SCO1: variants seen among roughly 807,000 people sequenced by gnomAD.
SCO1 encodes the protein synthesis of cytochrome C oxidase 1, also known as cytochrome c oxidase assembly factor SCO1.
SCO1 carries 23 observed loss-of-function variants against 34.0 expected under a neutral mutation model. That is an observed-to-expected ratio of 0.68 (90% CI 0.49 to 0.96). SCO1 has a LOEUF of 0.96. SCO1 is among the 40% of genes least tolerant of loss of function. The pLI is 0.00. For missense variants in SCO1, 404 were observed against 381.6 expected (o/e 1.06, Z -0.49); for synonymous variants, 161 against 145.5 (o/e 1.11, Z -0.77).
rs745872734 is a variant in SCO1 at position 10,681,130 on chromosome 17, T to G, written c.895A>C (p.Lys299Gln). 6.2e-7 allele frequency: 1 copy of G among 1,614,216 alleles called. No individual in the cohort carries two copies. The highest frequency in any genetic ancestry group is 8.5e-7 in the Non-Finnish European group (1 of 1,180,042). ...CAACACTGCTTTGGCTAGCTCTTTT[T>G]TCTGTATGGCCTCATGTGTGTGGCA... Reference protein sequence around the residue: ...SIATHMRPYRKKS With the variant: ...SIATHMRPYRQKS Residue 299 changes from lysine to glutamine, a missense_variant, in exon 6 of 6, where the codon AAA (lysine) becomes CAA (glutamine). Physicochemically the swap from Lys to Gln is moderately conservative, Grantham distance 53. Coordinates refer to ENST00000255390, the MANE Select transcript of SCO1 (RefSeq NM_004589.4).
chr17:10,678,860 G>GTTTTTTTTTTTTTTTTTTTTTTTT lies in SCO1; in HGVS notation c.*2258_*2259insAAAAAAAAAAAAAAAAAAAAAAAA, dbSNP rs1325340207. ...AGGCAAAAATCAAGGAGTCAGCAGG[G>GTTTTTTTTTTTTTTTTTTTTTTTT]TTTGTTTTTTTTTTTTTTTCTCACA... On this transcript the variant is annotated 3_prime_UTR_variant, in exon 6 of 6. Coordinates refer to ENST00000255390, the MANE Select transcript of SCO1 (RefSeq NM_004589.4). The GTTTTTTTTTTTTTTTTTTTTTTTT allele has an allele frequency of 6.9e-6, 1 of 145,802 alleles. No individual in the cohort carries two copies. The highest frequency in any genetic ancestry group is 6.7e-5 in the Admixed American group (1 of 14,982). The allele number at this position is 145,802 out of a possible 1,614,324, so 9.0% of individuals were successfully genotyped here. A position where few individuals can be genotyped will look rare whatever the true frequency, so the allele number is the denominator to read the frequency against.
intron 4 of SCO1, among the ~76,000 whole-genome samples, chr17:10,689,968 A>T (rs769002998): frequency 1.3e-5 from 2 of 152,236 alleles, no homozygotes; most frequent in Non-Finnish European, 2.9e-5. Context: ...TCCTCAAGAA[A>T]CGGCACTAGG....
At chr17:10,697,130 T>C (rs887313058) in intron 1 of SCO1, 105 bp downstream of exon 1, 5 of 1,127,688 alleles carry the variant, frequency 4.4e-6, no homozygotes, top group African/African-American at 3.1e-5. Context: ...AGGACAACTT[T>C]AGGGGAGGCG....
chr17:10,682,023 C>T (rs370933294), intron 5 of SCO1, among the ~76,000 whole-genome samples: 4 of 152,278 alleles, frequency 2.6e-5, no homozygotes, highest in African/African-American at 9.6e-5. Context: ...AGAGAGTCAT[C>T]GTAAACTCAG....
At chr17:10,691,575 G>A (rs2074689260) in intron 4 of SCO1, among the ~76,000 whole-genome samples, 1 of 152,206 alleles carries the variant, frequency 6.6e-6, no homozygotes, top group African/African-American at 2.4e-5. Context: ...GGAGTTAGAA[G>A]CAATGTGTCC....
rs757534790 is a variant in SCO1, at chr17:10,686,713, G to A, written c.771+14C>T. ...GGAGCTGGTCCATGGGTTAAAACTG[G>A]AACATTTACTCACTATGTAGTCTTC... On this transcript the variant is annotated intron_variant, in intron 5 of 5. Transcript: ENST00000255390. 1 of 1,512,596 alleles carries A rather than the reference G, an allele frequency of 6.6e-7. No individual in the cohort carries two copies. Among genetic ancestry groups the A allele is most frequent in the African/African-American group, 1.4e-5 (1 of 73,066 alleles). 93.7% of individuals were successfully genotyped at this position (1,512,596 alleles called of 1,614,324 possible). A position where few individuals can be genotyped will look rare whatever the true frequency, so the allele number is the denominator to read the frequency against.
At position 10,675,570 on chromosome 17, in the gene SCO1, T is replaced by C. The variant is rs2074575338; in HGVS notation, c.*5549A>G. The stretch of plus-strand genomic sequence containing the variant: ...CACCCAGATCAAGCTACTGAACATT[T>C]CAATGGCTCTGGAAGCTCTCCTGGC... On this transcript the variant is annotated 3_prime_UTR_variant, in exon 6 of 6. Coordinates refer to ENST00000255390, the MANE Select transcript of SCO1 (RefSeq NM_004589.4). 1 of 152,218 alleles carries C rather than the reference T, an allele frequency of 6.6e-6. No individual in the cohort carries two copies. Among genetic ancestry groups the C allele is most frequent in the Middle Eastern group, 3.2e-3 (1 of 316 alleles). 9.4% of individuals were successfully genotyped at this position (152,218 alleles called of 1,614,324 possible).
chr17:10,683,183 A>T (rs1467853239), intron 5 of SCO1, among the ~76,000 whole-genome samples: 1 of 152,114 alleles, frequency 6.6e-6, no homozygotes, highest in Non-Finnish European at 1.5e-5. Flanking sequence ...ATCCTTCCGA[A>T]GAAATTCTCT....
rs1467888008 is a variant in SCO1 at position 10,679,603 on chromosome 17, C to G, written c.*1516G>C. On this transcript the variant is annotated 3_prime_UTR_variant, in exon 6 of 6. Coordinates refer to ENST00000255390, the MANE Select transcript of SCO1 (RefSeq NM_004589.4). ...ACTGAAAAACTTTTGGAGAACTTTG[C>G]CCCTAGGGCAGCAGCTTCTGGCAGA... 6.6e-6 allele frequency: 1 copy of G among 152,150 alleles called. No homozygotes were observed. The highest frequency in any genetic ancestry group is 1.5e-5 in the Non-Finnish European group (1 of 68,034). 9.4% of individuals were successfully genotyped at this position (152,150 alleles called of 1,614,324 possible).
intron 3 of SCO1, among the ~76,000 whole-genome samples, chr17:10,692,394 C>T (rs1489779184): frequency 6.6e-6 from 1 of 152,198 alleles, no homozygotes; most frequent in East Asian, 1.9e-4. Flanking sequence ...AGGCACCCTT[C>T]CTTCTTACTA....
rs1286789377 is a variant in SCO1 at position 10,672,763 on chromosome 17, C to T, written c.*8356G>A. ...TTAATTAATAGCTCATCATTTTTTC[C>T]AAAATTTTATAATTTTCTTCCCCTG... On this transcript the variant is annotated 3_prime_UTR_variant, in exon 6 of 6. Coordinates refer to ENST00000255390, the MANE Select transcript of SCO1 (RefSeq NM_004589.4). 1 of 152,074 alleles carries T rather than the reference C, an allele frequency of 6.6e-6. No homozygotes were observed. The highest frequency in any genetic ancestry group is 1.5e-5 in the Non-Finnish European group (1 of 68,006). The allele number at this position is 152,074 out of a possible 1,614,324, so 9.4% of individuals were successfully genotyped here. A position where few individuals can be genotyped will look rare whatever the true frequency, so the allele number is the denominator to read the frequency against.
rs1000647331 is a variant in SCO1 at position 10,675,597 on chromosome 17, C to T, written c.*5522G>A. The T allele has an allele frequency of 2.6e-5, 4 of 152,196 alleles. No individual in the cohort carries two copies. Among genetic ancestry groups the T allele is most frequent in the African/African-American group, 2.4e-5 (1 of 41,434 alleles). The allele number at this position is 152,196 out of a possible 1,614,324, so 9.4% of individuals were successfully genotyped here. ...AATGGCTCTGGAAGCTCTCCTGGCACCCCCTTCTGAATTACTAACCATCTC... is the reference window on the plus strand; with the variant it reads ...AATGGCTCTGGAAGCTCTCCTGGCATCCCCTTCTGAATTACTAACCATCTC... On this transcript the variant is annotated 3_prime_UTR_variant, in exon 6 of 6. Coordinates refer to ENST00000255390, the MANE Select transcript of SCO1 (RefSeq NM_004589.4).
At chr17:10,692,729 C>T (rs999613968) in intron 3 of SCO1, 35 bp downstream of exon 3, 2 of 1,558,168 alleles carry the variant, frequency 1.3e-6, no homozygotes, top group African/African-American at 1.4e-5. Context: ...ATGAAGTAAA[C>T]ATATACTTTG....
At position 10,675,161 on chromosome 17, in the gene SCO1, C is replaced by T. The variant is rs767819826; in HGVS notation, c.*5958G>A. 6.6e-6 allele frequency: 1 copy of T among 152,246 alleles called. No individual in the cohort carries two copies. The highest frequency in any genetic ancestry group is 1.9e-4 in the East Asian group (1 of 5,176). 9.4% of individuals were successfully genotyped at this position (152,246 alleles called of 1,614,324 possible). ...AGCGATTGATTTCCTGCCCCTTCAA[C>T]TGAGGGTGAGAAGACACTGTCTCTG... On this transcript the variant is annotated 3_prime_UTR_variant, in exon 6 of 6. Transcript: ENST00000255390.
At position 10,678,247 on chromosome 17, in the gene SCO1, C is replaced by G. The variant is rs2074595040; in HGVS notation, c.*2872G>C. On this transcript the variant is annotated 3_prime_UTR_variant, in exon 6 of 6. Coordinates refer to ENST00000255390, the MANE Select transcript of SCO1 (RefSeq NM_004589.4). ...CACAGTCACCATAAGCGCACGATAG[C>G]AGCAGAACAAACAGGAACCTACCTA... 6.6e-6 allele frequency: 1 copy of G among 152,244 alleles called. No homozygotes were observed. The highest frequency in any genetic ancestry group is 2.4e-5 in the African/African-American group (1 of 41,460). 9.4% of individuals were successfully genotyped at this position (152,244 alleles called of 1,614,324 possible).
chr17:10,696,858 C>T (rs184850541), intron 1 of SCO1, among the ~76,000 whole-genome samples: 2 of 152,260 alleles, frequency 1.3e-5, no homozygotes, highest in Admixed American at 1.3e-4. Context: ...ACATGGAACT[C>T]TGGATGGGGC....
chr17:10,695,002 T>TA (rs2074712974), intron 2 of SCO1, among the ~76,000 whole-genome samples: 1 of 152,220 alleles, frequency 6.6e-6, no homozygotes, highest in Non-Finnish European at 1.5e-5. Context: ...AAGATTTACC[T>TA]AAAACCTCTA....
chr17:10,694,639 G>A (rs1195567343), intron 2 of SCO1, among the ~76,000 whole-genome samples: 1 of 152,050 alleles, frequency 6.6e-6, no homozygotes, highest in African/African-American at 2.4e-5. Flanking sequence ...TATTTAGGAA[G>A]ACTTTTCAGA....
At chr17:10,695,899 TTAAAG>T in intron 1 of SCO1, 68 bp from the exon 2 acceptor site, 2 of 1,196,680 alleles carry the variant, frequency 1.7e-6, no homozygotes, top group South Asian at 2.4e-5. Context: ...TACAAACTTA[TTAAAG>T]TAGTTTTTAA....
Sources: allele counts gnomAD v4.1 joint callset (sites outside exome capture counted in the v4.1 genomes callset), GRCh38; gene constraint gnomAD v4.1.1; transcripts MANE v1.5; gene names NCBI Gene and HGNC (gene_info 2026-07-23, HGNC 2026-07-21).